GRIN2A: variants seen among roughly 807,000 people sequenced by gnomAD.
GRIN2A encodes glutamate ionotropic receptor NMDA type subunit 2A.
A neutral mutation model predicts 113.4 loss-of-function variants in GRIN2A; 22 were observed. That is an observed-to-expected ratio of 0.19 (90% CI 0.14 to 0.28). The LOEUF (loss-of-function observed/expected upper bound fraction) is 0.28, where lower values mean the gene tolerates loss of function less well. Among genes scored for constraint, GRIN2A ranks in the 10% least tolerant of loss-of-function variants. GRIN2A has a pLI of 1.00. For missense variants in GRIN2A, 1,502 were observed against 1,887.0 expected (o/e 0.80, Z 3.78); for synonymous variants, 827 against 738.4 (o/e 1.12, Z -1.94).
chr16:9,879,144 C>A (rs1481614133), intron 4 of GRIN2A, among the ~76,000 whole-genome samples: 1 of 152,100 alleles, frequency 6.6e-6, no homozygotes, highest in South Asian at 2.1e-4. Flanking sequence ...CTCTATGGCT[C>A]ACATCATTTG....
intron 3 of GRIN2A, among the ~76,000 whole-genome samples, chr16:9,936,982 A>G (rs1018000133): frequency 6.6e-6 from 1 of 152,212 alleles, no homozygotes; most frequent in Non-Finnish European, 1.5e-5. Flanking sequence ...CAAAAATCCT[A>G]TATCTTAGAA....
chr16:10,131,986 C>T (rs1237452290), intron 2 of GRIN2A, among the ~76,000 whole-genome samples: 1 of 151,946 alleles, frequency 6.6e-6, no homozygotes. Flanking sequence ...CTCCATATCC[C>T]TAAAAAAAAG....
chr16:9,852,968 A>G (rs1388736148), intron 4 of GRIN2A, among the ~76,000 whole-genome samples: 1 of 152,246 alleles, frequency 6.6e-6, no homozygotes, highest in Non-Finnish European at 1.5e-5. Flanking sequence ...CTAATTGAGA[A>G]GACACATGAG....
At chr16:10,095,635 G>A (rs1375651976) in intron 2 of GRIN2A, among the ~76,000 whole-genome samples, 2 of 152,172 alleles carry the variant, frequency 1.3e-5, no homozygotes, top group African/African-American at 2.4e-5. Context: ...CATTGAAAGT[G>A]TATCCCGTCT....
At chr16:10,148,476 A>G (rs923324450) in intron 2 of GRIN2A, among the ~76,000 whole-genome samples, 6 of 152,204 alleles carry the variant, frequency 3.9e-5, no homozygotes, top group African/African-American at 1.4e-4. Context: ...CGACAGCTGC[A>G]CCCACAACCC....
At chr16:9,966,215 C>A (rs1213338720) in intron 2 of GRIN2A, among the ~76,000 whole-genome samples, 1 of 152,114 alleles carries the variant, frequency 6.6e-6, no homozygotes, top group African/African-American at 2.4e-5. Flanking sequence ...ATTTCATCAC[C>A]CAGGTATTAA....
chr16:10,084,983 C>T (rs570719864), intron 2 of GRIN2A, among the ~76,000 whole-genome samples: 5 of 152,228 alleles, frequency 3.3e-5, no homozygotes, highest in Middle Eastern at 3.4e-3. Flanking sequence ...AGGAACCATT[C>T]CAAGGGCCTT....
chr16:10,030,674 T>C (rs10852252), intron 2 of GRIN2A, among the ~76,000 whole-genome samples: 147,795 of 152,292 alleles, frequency 0.97, 71,886 homozygotes, highest in East Asian at 1. Context: ...TATAAAGGGG[T>C]CTCTCTCATC....
intron 4 of GRIN2A, among the ~76,000 whole-genome samples, chr16:9,885,999 G>A (rs545164329): frequency 6.6e-6 from 1 of 152,378 alleles, no homozygotes; most frequent in Non-Finnish European, 1.5e-5. Flanking sequence ...GAAATGGAGT[G>A]TATCAAGGGC....
At chr16:10,078,187 G>A (rs1401304135) in intron 2 of GRIN2A, among the ~76,000 whole-genome samples, 1 of 152,188 alleles carries the variant, frequency 6.6e-6, no homozygotes. Flanking sequence ...ATAATGAAGT[G>A]CTTAGTCCAC....
At chr16:9,892,933 GAA>G (rs57666918) in intron 3 of GRIN2A, among the ~76,000 whole-genome samples, 979 of 96,554 alleles carry the variant, frequency 0.01, 8 homozygotes, top group African/African-American at 0.031. Flanking sequence ...GCTAAAAAGT[GAA>G]AAAAAAAAAA....
At chr16:9,815,427 A>T (rs958751954) in intron 10 of GRIN2A, among the ~76,000 whole-genome samples, 1 of 151,750 alleles carries the variant, frequency 6.6e-6, no homozygotes, top group African/African-American at 2.4e-5. Context: ...AAAAAAAAAA[A>T]AAAGAAAACC....
intron 2 of GRIN2A, among the ~76,000 whole-genome samples, chr16:10,016,527 T>A (rs1310407652): frequency 1.3e-5 from 2 of 152,138 alleles, no homozygotes; most frequent in African/African-American, 4.8e-5. Flanking sequence ...AGGGTAGCAT[T>A]AAATCATGAG....
At chr16:10,089,390 A>G (rs2048142973) in intron 2 of GRIN2A, among the ~76,000 whole-genome samples, 1 of 152,186 alleles carries the variant, frequency 6.6e-6, no homozygotes, top group Non-Finnish European at 1.5e-5. Context: ...TATGTCAACT[A>G]TACCTCAAAG....
At chr16:10,046,051 GAC>G (rs1361860454) in intron 2 of GRIN2A, among the ~76,000 whole-genome samples, 1 of 152,168 alleles carries the variant, frequency 6.6e-6, no homozygotes, top group African/African-American at 2.4e-5. Flanking sequence ...GGGAGGGAAA[GAC>G]AAAATTGTCC....
At chr16:10,173,831 T>C (rs2142366380) in intron 2 of GRIN2A, among the ~76,000 whole-genome samples, 1 of 152,240 alleles carries the variant, frequency 6.6e-6, no homozygotes, top group Non-Finnish European at 1.5e-5. Context: ...CATAATCAAG[T>C]TTAAAAAAAT....
chr16:9,983,596 T>C (rs2045929515), intron 2 of GRIN2A, among the ~76,000 whole-genome samples: 1 of 152,044 alleles, frequency 6.6e-6, no homozygotes, highest in Non-Finnish European at 1.5e-5. Context: ...CCCGCCACTA[T>C]ACCCAGCTAA....
At chr16:10,133,981 G>C (rs1488119857) in intron 2 of GRIN2A, among the ~76,000 whole-genome samples, 1 of 151,910 alleles carries the variant, frequency 6.6e-6, no homozygotes, top group Non-Finnish European at 1.5e-5. Flanking sequence ...CCAGACATTG[G>C]AGACCAACCT....
intron 11 of GRIN2A, among the ~76,000 whole-genome samples, chr16:9,788,740 CT>C (rs748774026): frequency 1.4e-3 from 148 of 104,866 alleles, no homozygotes; most frequent in Middle Eastern, 4.7e-3. Context: ...TTTAAGTCTT[CT>C]TTTTTTTTTT....
Sources: gnomAD v4.1 joint callset for allele counts (sites outside exome capture counted in the v4.1 genomes callset) on GRCh38, gnomAD v4.1.1 for gene constraint, MANE v1.5 for transcripts, NCBI Gene and HGNC (gene_info 2026-07-23, HGNC 2026-07-21) for gene names.